The following STARD8 variants were observed in gnomAD, a reference collection of about 807,000 sequenced individuals.
The protein encoded by STARD8 is stAR-related lipid transfer protein 8.
STARD8 carries 25 observed loss-of-function variants against 69.4 expected under a neutral mutation model. The ratio of observed to expected loss-of-function variants is 0.36; its 90% CI spans 0.26 to 0.50. STARD8 has a LOEUF of 0.50. Ranked by LOEUF, STARD8 falls within the 20% of genes least tolerant of loss-of-function variation. The pLI, the probability that STARD8 is intolerant of heterozygous loss-of-function variation, is 0.96. For missense variants in STARD8, 921 were observed against 932.5 expected, an observed-to-expected ratio of 0.99 and a Z score of 0.16; for synonymous variants, 389 against 374.6, an observed-to-expected ratio of 1.04 and a Z score of -0.45.
Position 68,717,927 on chromosome X carries a change from G to A in STARD8, c.1013G>A (p.Cys338Tyr), listed in dbSNP as rs748183165. 2 of 1,207,549 alleles carry A rather than the reference G, an allele frequency of 1.7e-6. No individual in the cohort carries two copies. Among genetic ancestry groups the A allele is most frequent in the African/African-American group, 3.5e-5 (2 of 57,396 alleles). ...TGGCAGCCAGGTAGGCGGTGGGGCT[G>A]TGAGGGGCGCCGGGGCTCCTGTGGC... is the stretch of plus-strand genomic sequence containing the variant. Reference protein sequence around the residue: ...ADWQPGRRWGCEGRRGSCGST... With the variant: ...ADWQPGRRWGYEGRRGSCGST... Residue 338 changes from cysteine to tyrosine, a missense_variant, in exon 6 of 15, where the codon TGT becomes TAT. By Grantham distance (194) the Cys-to-Tyr change is radical. Coordinates refer to ENST00000374599, the MANE Select transcript of STARD8 (RefSeq NM_001142503.3).
intron 1 of STARD8, among the ~76,000 whole-genome samples, chrX:68,661,960 CTCTCTCTCTCTCTTTCTT>C (rs1207555890): frequency 2.6e-5 from 2 of 77,219 alleles, no homozygotes; most frequent in African/African-American, 1.6e-4. Flanking sequence ...CTCTCTCTCT[CTCTCTCTCTCTCTTTCTT>C]TCTTTCTTTC....
chrX:68,671,654 C>G (rs1012190684), intron 2 of STARD8, among the ~76,000 whole-genome samples: 2 of 112,547 alleles, frequency 1.8e-5, no homozygotes, highest in Non-Finnish European at 3.7e-5. Context: ...CCCACTGGCT[C>G]CAGATGACAA....
intron 12 of STARD8, among the ~76,000 whole-genome samples, chrX:68,722,928 C>T (rs758455340): frequency 1.2e-4 from 13 of 113,018 alleles, no homozygotes; most frequent in Non-Finnish European, 2.2e-4. Flanking sequence ...ACTCCCATCT[C>T]TCCCTGCCCC....
rs773434965 is a variant in STARD8 at position 68,719,219 on chromosome X, C to T, written c.1716-6C>T. 3.4e-6 allele frequency: 4 copies of T among 1,175,691 alleles called. No individual in the cohort carries two copies. The highest frequency in any genetic ancestry group is 2.0e-5 in the South Asian group (1 of 50,404). ...CTTCTCCACCCCTCTCACCGCCCCCCACCAGGAAGCTCCGTTGGCATAGCT... is the reference window on the plus strand; with the variant it reads ...CTTCTCCACCCCTCTCACCGCCCCCTACCAGGAAGCTCCGTTGGCATAGCT... On this transcript the variant is annotated splice_region_variant and splice_polypyrimidine_tract_variant and intron_variant, in intron 6 of 14. Transcript: ENST00000374599.
chrX:68,722,030 C>T lies in STARD8; in HGVS notation c.2460-17C>T, dbSNP rs745538911. On this transcript the variant is annotated splice_polypyrimidine_tract_variant and intron_variant, in intron 10 of 14. Coordinates refer to ENST00000374599, the MANE Select transcript of STARD8 (RefSeq NM_001142503.3). ...TCTTGTGCCATCTCTCCTCTCACCA[C>T]CTCCTGCTCCATCTAGGATCAAGAG... 6.8e-6 allele frequency: 8 copies of T among 1,171,619 alleles called. No individual in the cohort carries two copies. In the African/African-American group the frequency reaches 1.2e-4, roughly 18 times the overall value.
chrX:68,698,634 CA>C (rs1225194918), intron 2 of STARD8, among the ~76,000 whole-genome samples: 2 of 108,377 alleles, frequency 1.8e-5, no homozygotes, highest in African/African-American at 6.9e-5. Flanking sequence ...GACCCAGACC[CA>C]ATTTAGAAAG....
intron 2 of STARD8, among the ~76,000 whole-genome samples, chrX:68,706,132 G>A (rs1468345498): frequency 6.2e-5 from 7 of 112,038 alleles, no homozygotes; most frequent in Admixed American, 1.9e-4. Context: ...GGCCAAGACC[G>A]AGGCTGGCAT....
chrX:68,649,958 G>A (rs1213756841), intron 1 of STARD8, among the ~76,000 whole-genome samples: 2 of 111,077 alleles, frequency 1.8e-5, no homozygotes, highest in African/African-American at 6.5e-5. Flanking sequence ...ATAATGACGA[G>A]GGAAGGGAAA....
At chrX:68,685,412 C>T (rs1006028908) in intron 2 of STARD8, among the ~76,000 whole-genome samples, 4 of 111,602 alleles carry the variant, frequency 3.6e-5, no homozygotes, top group Non-Finnish European at 7.5e-5. Context: ...TTGGCCTTAT[C>T]TCCATTGAAA....
intron 2 of STARD8, chrX:68,693,498 G>A (rs1480977692): frequency 1.5e-5 from 4 of 274,389 alleles, no homozygotes; most frequent in Non-Finnish European, 2.0e-5. Flanking sequence ...GGGCCTTGGA[G>A]GACCTGCAGG....
At chrX:68,688,074 T>C (rs2079846793) in intron 2 of STARD8, among the ~76,000 whole-genome samples, 1 of 112,627 alleles carries the variant, frequency 8.9e-6, no homozygotes, top group African/African-American at 3.2e-5. Context: ...GTTCCAGCCC[T>C]GGCTGAGGGC....
chrX:68,720,214 T>C, intron 7 of STARD8, 50 bp from the exon 8 acceptor site: 1 of 1,123,081 alleles, frequency 8.9e-7, no homozygotes, highest in South Asian at 2.3e-5. Context: ...GCAGGCAGAG[T>C]CTCCAAACTG....
In STARD8 at chrX:68,718,433, C is replaced by T; in HGVS notation, c.1519C>T (p.Pro507Ser). The change falls in exon 6 of 15, where the codon CCC becomes TCC. Residue 507 changes from proline to serine, a missense_variant. Pro to Ser is a moderately conservative substitution (Grantham distance 74). Coordinates refer to ENST00000374599, the MANE Select transcript of STARD8 (RefSeq NM_001142503.3). ...SEQEAHSGGE[P>S]TFASSLSVEE... ...GCAGGAGGCACATTCAGGCGGGGAA[C>T]CCACCTTTGCCTCTAGCCTGTCTGT... 8.3e-7 allele frequency: 1 copy of T among 1,210,986 alleles called. No homozygotes were observed. The highest frequency in any genetic ancestry group is 1.1e-6 in the Non-Finnish European group (1 of 895,148).
At chrX:68,662,471 T>C (rs2079657728) in intron 1 of STARD8, among the ~76,000 whole-genome samples, 1 of 111,914 alleles carries the variant, frequency 8.9e-6, no homozygotes, top group Admixed American at 9.5e-5. Flanking sequence ...TAAGATGACC[T>C]ATAAGGCCCT....
Position 68,647,747 on chromosome X carries a change from C to T in STARD8, c.-136C>T. 1 of 818,824 alleles carries T rather than the reference C, an allele frequency of 1.2e-6. No homozygotes were observed. The highest frequency in any genetic ancestry group is 1.7e-6 in the Non-Finnish European group (1 of 593,109). The allele number at this position is 818,824 out of a possible 1,213,427, so 67.5% of individuals were successfully genotyped here. On this transcript the variant is annotated 5_prime_UTR_variant, in exon 1 of 15. Coordinates refer to ENST00000374599, the MANE Select transcript of STARD8 (RefSeq NM_001142503.3). ...CCGCTGCTCTCCGCCTCTCCCCTCG[C>T]GGGGCCGGCTCATGGAGCGCAGGGA... is the stretch of plus-strand genomic sequence containing the variant.
chrX:68,705,439 G>A (rs1022993465), intron 2 of STARD8, among the ~76,000 whole-genome samples: 5 of 112,441 alleles, frequency 4.4e-5, no homozygotes, highest in East Asian at 2.8e-4. Flanking sequence ...AGAGGAGCGG[G>A]GAACCACAGT....
Position 68,717,450 on chromosome X carries a change from C to T in STARD8, c.536C>T (p.Pro179Leu). The T allele has an allele frequency of 8.3e-7, 1 of 1,210,583 alleles. No homozygotes were observed. The highest frequency in any genetic ancestry group is 1.1e-6 in the Non-Finnish European group (1 of 895,138). Reference sequence around the variant, plus strand: ...GACTTGCCCTTGCCAGGCCGTGCCCCCAGCTCGAGTGACCGGCCCCTCCTC... The same window carrying T: ...GACTTGCCCTTGCCAGGCCGTGCCCTCAGCTCGAGTGACCGGCCCCTCCTC... ...PADLPLPGRA[P>L]SSSDRPLLSP... The change falls in exon 6 of 15, where the codon CCC becomes CTC. Residue 179 changes from proline (P) to leucine (L), a missense_variant. Physicochemically the swap from Pro to Leu is moderately conservative, Grantham distance 98. Transcript: ENST00000374599.
chrX:68,653,072 C>T (rs1602534867), intron 1 of STARD8, among the ~76,000 whole-genome samples: 1 of 46,852 alleles, frequency 2.1e-5, no homozygotes, highest in Non-Finnish European at 4.0e-5. Flanking sequence ...CCACACACCA[C>T]ACACACACCA....
At chrX:68,681,331 T>G (rs1223443420) in intron 2 of STARD8, among the ~76,000 whole-genome samples, 2 of 111,402 alleles carry the variant, frequency 1.8e-5, no homozygotes, top group Non-Finnish European at 3.8e-5. Context: ...ACTTACGAAG[T>G]GCTCTCAAAT....
Sources: allele counts gnomAD v4.1 joint callset (sites outside exome capture counted in the v4.1 genomes callset), GRCh38; gene constraint gnomAD v4.1.1; transcripts MANE v1.5; gene names NCBI Gene and HGNC (gene_info 2026-07-23, HGNC 2026-07-21).